Variants in MSX1 observed in about 807,000 individuals in gnomAD.
MSX1 encodes the protein msh homeobox 1.
A neutral mutation model predicts 17.0 loss-of-function variants in MSX1; 11 were observed. The ratio of observed to expected loss-of-function variants is 0.65; its 90% CI spans 0.41 to 1.07. The LOEUF is 1.07. MSX1 is among the 50% of genes least tolerant of loss of function. The pLI, the probability that MSX1 is intolerant of heterozygous loss-of-function variation, is 0.00. For missense variants in MSX1, 477 were observed against 440.1 expected (o/e 1.08, Z -0.75); for synonymous variants, 253 against 211.8 (o/e 1.19, Z -1.69).
Position 4,859,885 on chromosome 4 carries a change from G to GCC in MSX1, c.-15_-14insCC. The GCC allele has an allele frequency of 1.4e-6, 2 of 1,476,866 alleles. No homozygotes were observed. Among genetic ancestry groups the GCC allele is most frequent in the Non-Finnish European group, 1.8e-6 (2 of 1,112,852 alleles). The allele number at this position is 1,476,866 out of a possible 1,614,324, so 91.5% of individuals were successfully genotyped here. A position where few individuals can be genotyped will look rare whatever the true frequency, so the allele number is the denominator to read the frequency against. On this transcript the variant is annotated 5_prime_UTR_variant, in exon 1 of 2. Transcript: ENST00000382723. ...GCTGGCCAGTGCTGCGGCAGAAGGG[G>GCC]GGGCCCGGCTCTGCATGGCCCCGGC...
At position 4,859,840 on chromosome 4, in the gene MSX1, C is replaced by G. The variant is rs1229734123; in HGVS notation, c.-60C>G. ...AGAGGCCGGCCGCGCTCCCAGCCCG[C>G]CCGGAGCCCATGCCCGGCGGCTGGC... On this transcript the variant is annotated 5_prime_UTR_variant, in exon 1 of 2. Coordinates refer to ENST00000382723, the MANE Select transcript of MSX1 (RefSeq NM_002448.3). 7.9e-6 allele frequency: 11 copies of G among 1,386,638 alleles called. No individual in the cohort carries two copies. The African/African-American group carries it at 1.7e-4, about 21-fold the overall frequency. 85.9% of individuals were successfully genotyped at this position (1,386,638 alleles called of 1,614,324 possible).
At position 4,863,589 on chromosome 4, in the gene MSX1, GAAAA is replaced by G. The variant is rs1737980866; in HGVS notation, c.*447_*450del. 1 of 61,000 alleles carries G rather than the reference GAAAA, an allele frequency of 1.6e-5. No homozygotes were observed. Among genetic ancestry groups the G allele is most frequent in the East Asian group, 5.3e-4 (1 of 1,870 alleles). 3.8% of individuals were successfully genotyped at this position (61,000 alleles called of 1,614,324 possible). A position where few individuals can be genotyped will look rare whatever the true frequency, so the allele number is the denominator to read the frequency against. On this transcript the variant is annotated 3_prime_UTR_variant, in exon 2 of 2. Transcript: ENST00000382723. ...AAAAAAAAAAAAAAAAAAAAAAAAA[GAAAA>G]GAGAAAAAAAAGACTAGCCAGCCAG...
rs1737863389 is a variant in MSX1, at chr4:4,859,838, C to A, written c.-62C>A. On this transcript the variant is annotated 5_prime_UTR_variant, in exon 1 of 2. Coordinates refer to ENST00000382723, the MANE Select transcript of MSX1 (RefSeq NM_002448.3). ...GCAGAGGCCGGCCGCGCTCCCAGCCCGCCCGGAGCCCATGCCCGGCGGCTG... is the reference window on the plus strand; with the variant it reads ...GCAGAGGCCGGCCGCGCTCCCAGCCAGCCCGGAGCCCATGCCCGGCGGCTG... The A allele has an allele frequency of 4.4e-6, 6 of 1,365,764 alleles. No individual in the cohort carries two copies. The highest frequency in any genetic ancestry group is 5.7e-6 in the Non-Finnish European group (6 of 1,054,430). The allele number at this position is 1,365,764 out of a possible 1,614,324, so 84.6% of individuals were successfully genotyped here.
chr4:4,862,968 T>G lies in MSX1; in HGVS notation c.737T>G (p.Leu246Arg), dbSNP rs762705708. 6.2e-7 allele frequency: 1 copy of G among 1,612,996 alleles called. No homozygotes were observed. The highest frequency in any genetic ancestry group is 8.5e-7 in the Non-Finnish European group (1 of 1,179,988). The stretch of plus-strand genomic sequence containing the variant: ...CTGAAGATGGCCGCCAAGCCCATGC[T>G]GCCACCGGCTGCCTTCGGCCTCTCC... ...EKLKMAAKPM[L>R]PPAAFGLSFP... is the part of the protein sequence containing the mutation. The change falls in exon 2 of 2, where the codon CTG becomes CGG. Residue 246 changes from leucine to arginine, a missense_variant. Physicochemically the swap from Leu to Arg is moderately radical, Grantham distance 102. Coordinates refer to ENST00000382723, the MANE Select transcript of MSX1 (RefSeq NM_002448.3).
chr4:4,862,709 A>AGC lies in MSX1; in HGVS notation c.479_480dup (p.Pro161AlafsTer57). The AGC allele has an allele frequency of 6.2e-7, 1 of 1,612,584 alleles. No homozygotes were observed. Among genetic ancestry groups the AGC allele is most frequent in the Non-Finnish European group, 8.5e-7 (1 of 1,179,980 alleles). ...TTTCTTTCGGCCCTCAGGGCGGCTG[A>AGC]GCCCCCCAGCCTGCACCCTCCGCAA... On this transcript the variant is annotated frameshift_variant, in exon 2 of 2. Transcript: ENST00000382723. LOFTEE classifies it high-confidence loss of function.
rs771885867 is a variant in MSX1, at chr4:4,863,081, C to T, written c.850C>T (p.Pro284Ser). The T allele has an allele frequency of 1.4e-5, 23 of 1,608,828 alleles. No homozygotes were observed. Among genetic ancestry groups the T allele is most frequent in the Non-Finnish European group, 1.9e-5 (22 of 1,178,518 alleles). The part of the protein sequence containing the change: ...ASGPFQRAAL[P>S]VAPVGLYTAH... Reference sequence around the variant, plus strand: ...TGGCCCCTTCCAGCGCGCCGCGCTGCCTGTGGCGCCCGTGGGACTCTACAC... The same window carrying T: ...TGGCCCCTTCCAGCGCGCCGCGCTGTCTGTGGCGCCCGTGGGACTCTACAC... Residue 284 changes from proline (P) to serine (S), a missense_variant, in exon 2 of 2, where the codon CCT (proline) becomes TCT (serine). By Grantham distance (74) the Pro-to-Ser change is moderately conservative. This residue lies in a region of MSX1 where 114 missense variants were observed against 106.3 expected (regional missense o/e 1.07). Coordinates refer to ENST00000382723, the MANE Select transcript of MSX1 (RefSeq NM_002448.3).
Position 4,860,122 on chromosome 4 carries a change from G to A in MSX1, c.223G>A (p.Ala75Thr), listed in dbSNP as rs537984383. The change falls in exon 1 of 2, where the codon GCC becomes ACC. Residue 75 changes from alanine to threonine, a missense_variant. By Grantham distance (58) the Ala-to-Thr change is moderately conservative. This residue lies in a region of MSX1 where 355 missense variants were observed against 306.1 expected (regional missense o/e 1.16). Coordinates refer to ENST00000382723, the MANE Select transcript of MSX1 (RefSeq NM_002448.3). Reference sequence around the variant, plus strand: ...CATGGCCGACCACAGGAAGCCGGGGGCCAAGGAGAGCGCCCTGGCGCCCTC... The same window carrying A: ...CATGGCCGACCACAGGAAGCCGGGGACCAAGGAGAGCGCCCTGGCGCCCTC... ...ALMADHRKPGAKESALAPSEG... is the reference protein window; with the variant it reads ...ALMADHRKPGTKESALAPSEG... 5.4e-5 allele frequency: 82 copies of A among 1,515,032 alleles called. No homozygotes were observed. The South Asian group carries it at 8.7e-4, about 16-fold the overall frequency. 93.8% of individuals were successfully genotyped at this position (1,515,032 alleles called of 1,614,324 possible).
At position 4,862,963 on chromosome 4, in the gene MSX1, C is replaced by T. The variant is rs769308340; in HGVS notation, c.732C>T (p.Pro244=). The change falls in exon 2 of 2, where the codon CCC becomes CCT. Residue 244 remains proline, a synonymous_variant. Coordinates refer to ENST00000382723, the MANE Select transcript of MSX1 (RefSeq NM_002448.3). ...AGAAGCTGAAGATGGCCGCCAAGCC[C>T]ATGCTGCCACCGGCTGCCTTCGGCC... ...ELEKLKMAAK[P]MLPPAAFGLS... is the part of the protein sequence containing the mutation. 1.2e-6 allele frequency: 2 copies of T among 1,613,224 alleles called. No individual in the cohort carries two copies. Among genetic ancestry groups the T allele is most frequent in the South Asian group, 1.1e-5 (1 of 91,088 alleles).
Position 4,859,753 on chromosome 4 carries a change from G to T in MSX1, c.-147G>T, listed in dbSNP as rs1737861033. ...AGGCCCAGCACGCCGGAGCTGGCCT[G>T]CTGGGGAGGGGCGGGAGGCGCGCGC... On this transcript the variant is annotated 5_prime_UTR_variant, in exon 1 of 2. Coordinates refer to ENST00000382723, the MANE Select transcript of MSX1 (RefSeq NM_002448.3). The T allele has an allele frequency of 2.2e-6, 1 of 455,076 alleles. No homozygotes were observed. Among genetic ancestry groups the T allele is most frequent in the East Asian group, 7.5e-5 (1 of 13,390 alleles). 28.2% of individuals were successfully genotyped at this position (455,076 alleles called of 1,614,324 possible).
rs376516578 is a variant in MSX1, at chr4:4,863,027, G to A, written c.796G>A (p.Ala266Thr). ...PLGGPAAVAA[A>T]AGASLYGASG... ...CGGCGGCCCCGCAGCTGTAGCGGCC[G>A]CGGCGGGTGCCTCGCTCTACGGTGC... The change falls in exon 2 of 2, where the codon GCG becomes ACG. Residue 266 changes from alanine (A) to threonine (T), a missense_variant. This residue lies in a region of MSX1 where 114 missense variants were observed against 106.3 expected (regional missense o/e 1.07). Coordinates refer to ENST00000382723, the MANE Select transcript of MSX1 (RefSeq NM_002448.3). 17 of 1,610,394 alleles carry A rather than the reference G, an allele frequency of 1.1e-5. No homozygotes were observed. The African/African-American group carries it at 1.6e-4, about 15-fold the overall frequency.
At chr4:4,862,567 G>GCGATGCC in intron 1 of MSX1, 134 bp from the exon 2 acceptor site, 1 of 1,026,810 alleles carries the variant, frequency 9.7e-7, no homozygotes, top group East Asian at 2.4e-5. Context: ...AGTGCCTTGC[G>GCGATGCC]CGATGCCCGG....
chr4:4,862,829 G>A lies in MSX1; in HGVS notation c.598G>A (p.Ala200Thr). 14 of 1,613,802 alleles carry A rather than the reference G, an allele frequency of 8.7e-6. No homozygotes were observed. Among genetic ancestry groups the A allele is most frequent in the Non-Finnish European group, 1.0e-5 (12 of 1,180,024 alleles). Residue 200 changes from alanine to threonine, a missense_variant, in exon 2 of 2, where the codon GCC becomes ACC. By Grantham distance (58) the Ala-to-Thr change is moderately conservative (BLOSUM62 0). This residue lies in a region of MSX1 where 355 missense variants were observed against 306.1 expected (regional missense o/e 1.16). Transcript: ENST00000382723. Reference sequence around the variant, plus strand: ...CCGCCAGAAGCAGTACCTGTCCATCGCCGAGCGCGCGGAGTTCTCCAGCTC... The same window carrying A: ...CCGCCAGAAGCAGTACCTGTCCATCACCGAGCGCGCGGAGTTCTCCAGCTC... ...KFRQKQYLSI[A>T]ERAEFSSSLS...
chr4:4,860,518 C>T (rs1268799672), intron 1 of MSX1, 150 bp downstream of exon 1: 5 of 960,164 alleles, frequency 5.2e-6, no homozygotes, highest in African/African-American at 1.6e-5. Context: ...TCTTGCGCCT[C>T]CCTCCACTCC....
chr4:4,863,202 C>G lies in MSX1; in HGVS notation c.*59C>G. The G allele has an allele frequency of 1.3e-6, 2 of 1,520,096 alleles. No homozygotes were observed. Among genetic ancestry groups the G allele is most frequent in the South Asian group, 2.4e-5 (2 of 84,582 alleles). 94.2% of individuals were successfully genotyped at this position (1,520,096 alleles called of 1,614,324 possible). A position where few individuals can be genotyped will look rare whatever the true frequency, so the allele number is the denominator to read the frequency against. On this transcript the variant is annotated 3_prime_UTR_variant, in exon 2 of 2. Transcript: ENST00000382723. Reference sequence around the variant, plus strand: ...ATTCCTCCAGCCCTGGTGCTGTACCCCCGACGTGCTCCCCTGCTCGGCACC... The same window carrying G: ...ATTCCTCCAGCCCTGGTGCTGTACCGCCGACGTGCTCCCCTGCTCGGCACC...
rs746392210 is a variant in MSX1 at position 4,860,206 on chromosome 4, C to T, written c.307C>T (p.Leu103=). Residue 103 remains leucine (L), a synonymous_variant, in exon 1 of 2, where the codon CTG becomes TTG. Coordinates refer to ENST00000382723, the MANE Select transcript of MSX1 (RefSeq NM_002448.3). ...AQPLGVPPGS[L]GAPDAPSSPR... ...GCCACTGGGCGTCCCGCCGGGGTCG[C>T]TGGGAGCCCCGGACGCGCCCTCTTC... 2 of 1,538,796 alleles carry T rather than the reference C, an allele frequency of 1.3e-6. No homozygotes were observed. Among genetic ancestry groups the T allele is most frequent in the African/African-American group, 2.8e-5 (2 of 70,988 alleles).
intron 1 of MSX1, 135 bp downstream of exon 1, chr4:4,860,503 C>T: frequency 8.8e-7 from 1 of 1,136,942 alleles, no homozygotes; most frequent in Non-Finnish European, 1.3e-6. Flanking sequence ...GGCTGCAAGG[C>T]CGGGTCTTGC....
rs1424432023 is a variant in MSX1 at position 4,859,808 on chromosome 4, C to A, written c.-92C>A. On this transcript the variant is annotated 5_prime_UTR_variant, in exon 1 of 2. Coordinates refer to ENST00000382723, the MANE Select transcript of MSX1 (RefSeq NM_002448.3). ...GGGTCCGCCCGGCCAGGGCCCCGGG[C>A]GCTCGCAGAGGCCGGCCGCGCTCCC... 8.6e-5 allele frequency: 99 copies of A among 1,144,970 alleles called. No individual in the cohort carries two copies. Among genetic ancestry groups the A allele is most frequent in the Non-Finnish European group, 1.0e-4 (92 of 898,236 alleles). 70.9% of individuals were successfully genotyped at this position (1,144,970 alleles called of 1,614,324 possible).
rs965167517 is a variant in MSX1, at chr4:4,859,713, C to G, written c.-187C>G. The stretch of plus-strand genomic sequence containing the variant: ...CCCGGGAACTCTGCCTGCGCGGCGG[C>G]AGCGACCGGAGGCCAGGCCCAGCAC... On this transcript the variant is annotated 5_prime_UTR_variant, in exon 1 of 2. Transcript: ENST00000382723. 1.2e-5 allele frequency: 3 copies of G among 241,514 alleles called. No individual in the cohort carries two copies. The highest frequency in any genetic ancestry group is 6.9e-5 in the African/African-American group (3 of 43,318). The allele number at this position is 241,514 out of a possible 1,614,324, so 15.0% of individuals were successfully genotyped here.
At chr4:4,861,884 C>A (rs535430874) in intron 1 of MSX1, among the ~76,000 whole-genome samples, 1 of 102,642 alleles carries the variant, frequency 9.7e-6, no homozygotes, top group Admixed American at 1.2e-4. Flanking sequence ...ACACTCCCCC[C>A]GCAACAACAT....
Sources: gnomAD v4.1 joint callset for allele counts (sites outside exome capture counted in the v4.1 genomes callset) on GRCh38, gnomAD v4.1.1 for gene constraint, gnomAD v4.1.1 regional missense constraint, MANE v1.5 for transcripts, NCBI Gene and HGNC (gene_info 2026-07-23, HGNC 2026-07-21) for gene names.